The following VPS4B variants were observed in gnomAD, a reference collection of about 807,000 sequenced individuals.
The protein encoded by VPS4B is vacuolar protein sorting 4 homolog B, also known as vacuolar protein sorting-associated protein 4B.
A neutral mutation model predicts 56.1 loss-of-function variants in VPS4B; 23 were observed. The observed-to-expected ratio is 0.41, with a 90% CI of 0.30 to 0.58. VPS4B has a LOEUF of 0.58. VPS4B is among the 20% of genes least tolerant of loss of function. VPS4B has a pLI of 0.29. For missense variants in VPS4B, 372 were observed against 531.9 expected (o/e 0.70, Z 2.96); for synonymous variants, 177 against 186.0 (o/e 0.95, Z 0.39).
intron 4 of VPS4B, among the ~76,000 whole-genome samples, chr18:63,406,510 G>GT (rs1168023348): frequency 6.6e-6 from 1 of 152,126 alleles, no homozygotes; most frequent in African/African-American, 2.4e-5. Context: ...ATTCTATTTG[G>GT]TAAGATTCAA....
rs990252501 is a variant in VPS4B at position 63,390,389 on chromosome 18, A to G, written c.*586T>C. 6 of 152,680 alleles carry G rather than the reference A, an allele frequency of 3.9e-5. No individual in the cohort carries two copies. The highest frequency in any genetic ancestry group is 8.8e-5 in the Non-Finnish European group (6 of 68,082). The allele number at this position is 152,680 out of a possible 1,614,324, so 9.5% of individuals were successfully genotyped here. On this transcript the variant is annotated 3_prime_UTR_variant, in exon 11 of 11. Transcript: ENST00000238497. ...ATGCCCAGCCAAAGCTTACGCTTTT[A>G]AAGAAATTATTTAAATCTACACAGA... is the stretch of plus-strand genomic sequence containing the variant.
At chr18:63,420,618 C>T (rs1266131326) in intron 1 of VPS4B, among the ~76,000 whole-genome samples, 4 of 152,180 alleles carry the variant, frequency 2.6e-5, no homozygotes, top group Non-Finnish European at 5.9e-5. Flanking sequence ...GGGAAAAATA[C>T]TTTTACCAAA....
At chr18:63,398,350 G>T (rs1021489049) in intron 8 of VPS4B, among the ~76,000 whole-genome samples, 1 of 151,754 alleles carries the variant, frequency 6.6e-6, no homozygotes, top group Non-Finnish European at 1.5e-5. Flanking sequence ...GAGTAGCTGG[G>T]ACTACAGACA....
At chr18:63,403,528 A>C (rs1489124763) in intron 5 of VPS4B, among the ~76,000 whole-genome samples, 179 bp downstream of exon 5, 1 of 152,198 alleles carries the variant, frequency 6.6e-6, no homozygotes, top group African/African-American at 2.4e-5. Context: ...ATATATATAC[A>C]CTGCAAATAT....
At chr18:63,420,195 C>G (rs889117007) in intron 1 of VPS4B, among the ~76,000 whole-genome samples, 2 of 152,154 alleles carry the variant, frequency 1.3e-5, no homozygotes, top group Non-Finnish European at 2.9e-5. Context: ...CACCTGTAAC[C>G]CAGCACTTTG....
intron 9 of VPS4B, chr18:63,396,787 G>A (rs561337869): frequency 7.6e-5 from 31 of 409,264 alleles, no homozygotes; most frequent in South Asian, 6.6e-4. Flanking sequence ...TCAGGAGTTC[G>A]AGACCAGCCT....
At chr18:63,400,405 T>A (rs1915783893) in intron 6 of VPS4B, 142 bp downstream of exon 6, 1 of 1,121,588 alleles carries the variant, frequency 8.9e-7, no homozygotes, top group Middle Eastern at 2.9e-4. Context: ...AATTCTAGAT[T>A]AGAGACTGAT....
intron 6 of VPS4B, 23 bp downstream of exon 6, chr18:63,400,524 T>A (rs961425448): frequency 6.3e-7 from 1 of 1,596,394 alleles, no homozygotes. Flanking sequence ...GAAAAAACTT[T>A]AAAAAATTGA....
In VPS4B at chr18:63,400,044, C is replaced by G; in HGVS notation, c.790+4G>C. On this transcript the variant is annotated splice_donor_region_variant and intron_variant, in intron 7 of 10. Coordinates refer to ENST00000238497, the MANE Select transcript of VPS4B (RefSeq NM_004869.4). ...AAAAAGAAAAAAAAAATTAGTAACA[C>G]TACCTTGCATTTGCACTAGGAACTC... 3.1e-6 allele frequency: 5 copies of G among 1,598,196 alleles called. No individual in the cohort carries two copies. The highest frequency in any genetic ancestry group is 4.3e-6 in the Non-Finnish European group (5 of 1,175,804).
chr18:63,417,741 T>C (rs754132853), intron 1 of VPS4B, among the ~76,000 whole-genome samples: 5 of 152,194 alleles, frequency 3.3e-5, no homozygotes, highest in Non-Finnish European at 7.3e-5. Flanking sequence ...GTTCTGTCTG[T>C]TGTCTTCACT....
At chr18:63,393,618 A>C in intron 9 of VPS4B, 69 bp from the exon 10 acceptor site, 1 of 1,341,266 alleles carries the variant, frequency 7.5e-7, no homozygotes, top group South Asian at 2.1e-5. Flanking sequence ...ATCCATTACC[A>C]GGAAAGTTAA....
chr18:63,404,732 A>C (rs1438463440), intron 4 of VPS4B: 1 of 152,202 alleles, frequency 6.6e-6, no homozygotes, highest in African/African-American at 2.4e-5. Flanking sequence ...GTGTAACAGA[A>C]CACCACCACT....
At chr18:63,400,286 TA>T in intron 6 of VPS4B, 90 bp from the exon 7 acceptor site, 29 of 1,332,282 alleles carry the variant, frequency 2.2e-5, no homozygotes, top group Non-Finnish European at 2.9e-5. Context: ...CTCTGTAGAT[TA>T]AAAAGCCTAA....
chr18:63,396,218 C>T (rs1436275674), intron 9 of VPS4B: 1 of 152,076 alleles, frequency 6.6e-6, no homozygotes, highest in African/African-American at 2.4e-5. Context: ...AAAATCATTT[C>T]ATAGGAAAAT....
intron 4 of VPS4B, among the ~76,000 whole-genome samples, chr18:63,406,575 G>C (rs575021557): frequency 2.0e-5 from 3 of 152,312 alleles, no homozygotes; most frequent in African/African-American, 7.2e-5. Context: ...CTGAAAAATT[G>C]TTAGATAATT....
intron 8 of VPS4B, among the ~76,000 whole-genome samples, chr18:63,398,414 T>C (rs1163358222): frequency 6.6e-6 from 1 of 151,808 alleles, no homozygotes; most frequent in Non-Finnish European, 1.5e-5. Context: ...GAGACAGGGT[T>C]TCACCACGTT....
intron 1 of VPS4B, among the ~76,000 whole-genome samples, chr18:63,418,172 C>T (rs1909102875): frequency 6.6e-6 from 1 of 152,188 alleles, no homozygotes; most frequent in African/African-American, 2.4e-5. Context: ...TCCTCAGCTC[C>T]TCGGTTCTCC....
intron 1 of VPS4B, among the ~76,000 whole-genome samples, chr18:63,411,983 A>C (rs1916055459): frequency 6.6e-6 from 1 of 152,244 alleles, no homozygotes; most frequent in South Asian, 2.1e-4. Context: ...AATCTAAAAG[A>C]TATAACAATA....
chr18:63,418,467 G>A (rs967084661), intron 1 of VPS4B, among the ~76,000 whole-genome samples: 4 of 151,558 alleles, frequency 2.6e-5, no homozygotes, highest in African/African-American at 4.9e-5. Context: ...TGGAGTACAC[G>A]GGTGTGATCA....
Sources: allele counts gnomAD v4.1 joint callset (sites outside exome capture counted in the v4.1 genomes callset), GRCh38; gene constraint gnomAD v4.1.1; transcripts MANE v1.5; gene names NCBI Gene and HGNC (gene_info 2026-07-23, HGNC 2026-07-21).